The following CFAP96 variants were observed in gnomAD, a reference collection of about 807,000 sequenced individuals.
CFAP96 encodes cilia-and flagella-associated protein 96.
At chr4:185,428,675 CAAAG>C in the CFAP96 span, among the ~76,000 whole-genome samples, 7 of 151,832 alleles carry the variant, frequency 4.6e-5, no homozygotes, top group African/African-American at 1.7e-4. Context: ...TGGTCATTTC[CAAAG>C]AAAGCTCAGA....
chr4:185,415,331 C>T, the CFAP96 span: 1 of 1,584,386 alleles, frequency 6.3e-7, no homozygotes. Flanking sequence ...ATTGCATCAA[C>T]CAGGAGTTTA....
the CFAP96 span, among the ~76,000 whole-genome samples, chr4:185,409,178 G>A: frequency 1.1e-4 from 16 of 152,202 alleles, no homozygotes; most frequent in Admixed American, 1.0e-3. Context: ...TCCATATCAT[G>A]GGACACAGGA....
At chr4:185,436,310 A>G in the CFAP96 span, 8 of 1,551,084 alleles carry the variant, frequency 5.2e-6, 1 homozygote, top group South Asian at 9.5e-5. Flanking sequence ...ATAGGTAAAC[A>G]GTTTTCACAC....
the CFAP96 span, chr4:185,429,307 TTTA>T: frequency 5.1e-6 from 3 of 586,010 alleles, no homozygotes; most frequent in Non-Finnish European, 8.5e-6. Flanking sequence ...ACTTTTCCCC[TTTA>T]TTTTTATTTT....
the CFAP96 span, among the ~76,000 whole-genome samples, chr4:185,437,979 G>C: frequency 6.6e-6 from 1 of 151,788 alleles, no homozygotes; most frequent in Non-Finnish European, 1.5e-5. Context: ...TCTTCTGCAT[G>C]CACTATGTCC....
the CFAP96 span, among the ~76,000 whole-genome samples, chr4:185,443,968 A>T: frequency 2.4e-5 from 1 of 40,908 alleles, no homozygotes; most frequent in Non-Finnish European, 4.1e-5. Context: ...TTTTTTTGAG[A>T]CGGAGTCTCG....
chr4:185,413,907 A>G, the CFAP96 span: 8 of 1,551,678 alleles, frequency 5.2e-6, no homozygotes, highest in Admixed American at 1.2e-4. Flanking sequence ...AAAAGAAAAA[A>G]TGTTGGTGAT....
the CFAP96 span, chr4:185,449,764 C>A: frequency 5.1e-6 from 3 of 583,678 alleles, no homozygotes; most frequent in Non-Finnish European, 8.8e-6. Context: ...AAAAGAAATT[C>A]TGCAACTCTA....
chr4:185,438,413 T>C, the CFAP96 span, among the ~76,000 whole-genome samples: 1 of 152,194 alleles, frequency 6.6e-6, no homozygotes, highest in Non-Finnish European at 1.5e-5. Flanking sequence ...CATTGTGGTT[T>C]TGCTCTCTAG....
chr4:185,415,213 A>G, the CFAP96 span: 1 of 1,607,600 alleles, frequency 6.2e-7, no homozygotes, highest in Non-Finnish European at 8.5e-7. Context: ...AATTGTTACA[A>G]GATTTTTTTT....
the CFAP96 span, among the ~76,000 whole-genome samples, chr4:185,447,821 A>G: frequency 1.3e-5 from 2 of 152,332 alleles, no homozygotes; most frequent in African/African-American, 2.4e-5. Context: ...CTAAATTGCT[A>G]TGATACCAAA....
At chr4:185,435,618 C>T in the CFAP96 span, among the ~76,000 whole-genome samples, 4 of 152,130 alleles carry the variant, frequency 2.6e-5, no homozygotes, top group African/African-American at 9.7e-5. Context: ...ACCCAAATTC[C>T]ATGAGTCACT....
the CFAP96 span, among the ~76,000 whole-genome samples, chr4:185,443,336 A>G: frequency 1.0e-4 from 3 of 28,664 alleles, no homozygotes; most frequent in African/African-American, 2.7e-4. Context: ...ATATATATAT[A>G]TATATATTTT....
the CFAP96 span, among the ~76,000 whole-genome samples, chr4:185,410,153 A>G: frequency 6.6e-6 from 1 of 151,678 alleles, no homozygotes; most frequent in African/African-American, 2.4e-5. Context: ...AAACAAGAAG[A>G]AAAAAAAAGC....
At chr4:185,410,489 A>C in the CFAP96 span, among the ~76,000 whole-genome samples, 1 of 151,906 alleles carries the variant, frequency 6.6e-6, no homozygotes, top group Non-Finnish European at 1.5e-5. Context: ...TCTCTACTAA[A>C]AATACAAAAA....
chr4:185,422,216 T>C, the CFAP96 span, among the ~76,000 whole-genome samples: 5 of 152,236 alleles, frequency 3.3e-5, no homozygotes, highest in Non-Finnish European at 4.4e-5. Flanking sequence ...TCATTGTGGA[T>C]ATTTACATTT....
the CFAP96 span, among the ~76,000 whole-genome samples, chr4:185,446,758 T>A: frequency 1.3e-5 from 2 of 152,218 alleles, no homozygotes; most frequent in Non-Finnish European, 2.9e-5. Flanking sequence ...TTTACTGTAT[T>A]TTATGTACTT....
the CFAP96 span, chr4:185,426,005 T>G: frequency 9.7e-7 from 1 of 1,032,226 alleles, no homozygotes; most frequent in Admixed American, 2.2e-5. Context: ...CTCGGCGGCA[T>G]GACGTCACGG....
the CFAP96 span, among the ~76,000 whole-genome samples, chr4:185,448,282 A>G: frequency 4.6e-5 from 7 of 151,354 alleles, no homozygotes; most frequent in African/African-American, 1.7e-4. Context: ...CAGCCTCCCA[A>G]AGTGCTGGGA....
Sources: allele counts gnomAD v4.1 joint callset (sites outside exome capture counted in the v4.1 genomes callset), GRCh38; gene constraint gnomAD v4.1.1; transcripts MANE v1.5; gene names NCBI Gene and HGNC (gene_info 2026-07-23, HGNC 2026-07-21).